The following DMXL2 variants were observed in gnomAD, a reference collection of about 807,000 sequenced individuals.
The protein encoded by DMXL2 is Dmx like 2.
A neutral mutation model predicts 331.1 loss-of-function variants in DMXL2; 103 were observed. The observed-to-expected ratio is 0.31, with a 90% confidence interval of 0.27 to 0.37. DMXL2 has a LOEUF of 0.37. Ranked by LOEUF, DMXL2 falls within the 10% of genes least tolerant of loss-of-function variation. The pLI, the probability that DMXL2 is intolerant of heterozygous loss-of-function variation, is 1.00. For missense variants in DMXL2, 3,171 were observed against 3,642.9 expected, an observed-to-expected ratio of 0.87 and a Z score of 3.33; for synonymous variants, 1,281 against 1,252.1, an observed-to-expected ratio of 1.02 and a Z score of -0.49.
intron 6 of DMXL2, among the ~76,000 whole-genome samples, chr15:51,550,384 CTTATAA>C (rs2049140442): frequency 6.6e-6 from 1 of 152,058 alleles, no homozygotes; most frequent in Admixed American, 6.6e-5. Context: ...AAATTGACAA[CTTATAA>C]TTGTATACAT....
Position 51,480,880 on chromosome 15 carries a change from A to C in DMXL2, c.6226T>G (p.Trp2076Gly), listed in dbSNP as rs2041962671. The C allele has an allele frequency of 6.2e-7, 1 of 1,612,700 alleles. No homozygotes were observed. Among genetic ancestry groups the C allele is most frequent in the African/African-American group, 1.3e-5 (1 of 74,862 alleles). Reference protein sequence around the residue: ...GGKLRFQLYNWLEKEIAALHE... With the variant: ...GGKLRFQLYNGLEKEIAALHE... Reference sequence around the variant, plus strand: ...AAGGCAGCAATTTCCTTTTCAAGCCAGTTATAGAGTTGAAATCTGAGTTTT... The same window carrying C: ...AAGGCAGCAATTTCCTTTTCAAGCCCGTTATAGAGTTGAAATCTGAGTTTT... Residue 2076 changes from tryptophan to glycine, a missense_variant, in exon 24 of 44, where the codon TGG (tryptophan) becomes GGG (glycine). By Grantham distance (184) the Trp-to-Gly change is radical. This residue lies in a region of DMXL2 where 20 missense variants were observed against 46.3 expected (regional missense o/e 0.43). Transcript: ENST00000560891.
At chr15:51,519,997 A>G (rs2047265444) in intron 13 of DMXL2, among the ~76,000 whole-genome samples, 2 of 152,174 alleles carry the variant, frequency 1.3e-5, no homozygotes, top group African/African-American at 4.8e-5. Context: ...ACTTTGAGAA[A>G]GCAGAGCAAA....
intron 6 of DMXL2, among the ~76,000 whole-genome samples, chr15:51,555,647 T>C (rs1012497246): frequency 2.0e-5 from 3 of 152,024 alleles, no homozygotes; most frequent in Non-Finnish European, 2.9e-5. Context: ...AGGGAAGGCA[T>C]AAATAATATC....
intron 42 of DMXL2, 57 bp from the exon 43 acceptor site, chr15:51,450,403 T>C (rs2039031232): frequency 2.0e-6 from 3 of 1,516,666 alleles, no homozygotes; most frequent in Non-Finnish European, 2.7e-6. Context: ...TTGGTAATTA[T>C]GATGTCTACA....
intron 34 of DMXL2, 55 bp from the exon 35 acceptor site, chr15:51,458,850 T>G: frequency 7.2e-7 from 1 of 1,395,348 alleles, no homozygotes; most frequent in Non-Finnish European, 1.0e-6. Context: ...TATTTAGAGT[T>G]ATGCACATCC....
intron 32 of DMXL2, 142 bp from the exon 33 acceptor site, chr15:51,463,638 C>G (rs905271665): frequency 1.5e-5 from 8 of 545,208 alleles, no homozygotes; most frequent in Non-Finnish European, 2.2e-5. Flanking sequence ...GCAAAGAAGA[C>G]ACAGCATTAA....
chr15:51,510,240 T>A (rs1040100274), intron 15 of DMXL2, among the ~76,000 whole-genome samples: 1 of 152,168 alleles, frequency 6.6e-6, no homozygotes. Context: ...TAAAGGGTAT[T>A]CAAATAGGAA....
In DMXL2 at chr15:51,448,575, T is replaced by G; in HGVS notation, c.*409A>C. On this transcript the variant is annotated 3_prime_UTR_variant, in exon 44 of 44. Transcript: ENST00000560891. ...ACAAACACCTTATGATTATCCTTCA[T>G]TCAACAGAGGAGGAGACTGCAGGCA... 4.2e-6 allele frequency: 1 copy of G among 236,480 alleles called. No homozygotes were observed. The highest frequency in any genetic ancestry group is 6.1e-5 in the South Asian group (1 of 16,294). 14.6% of individuals were successfully genotyped at this position (236,480 alleles called of 1,614,324 possible). A position where few individuals can be genotyped will look rare whatever the true frequency, so the allele number is the denominator to read the frequency against.
At chr15:51,515,817 A>AT (rs2047004881) in intron 14 of DMXL2, among the ~76,000 whole-genome samples, 1 of 152,174 alleles carries the variant, frequency 6.6e-6, no homozygotes, top group South Asian at 2.1e-4. Context: ...TAGGGGATGA[A>AT]TTTAACATCC....
chr15:51,536,398 G>T lies in DMXL2; in HGVS notation c.2082C>A (p.Asp694Glu). 6.2e-7 allele frequency: 1 copy of T among 1,613,716 alleles called. No individual in the cohort carries two copies. The highest frequency in any genetic ancestry group is 8.5e-7 in the Non-Finnish European group (1 of 1,179,872). ...AGGAACCTTTTATATGTTTTACAGGGTCCATTAATCTACTTAATTTATTGT... is the reference window on the plus strand; with the variant it reads ...AGGAACCTTTTATATGTTTTACAGGTTCCATTAATCTACTTAATTTATTGT... ...DSDNKLSRLM[D>E]PVKHIKGSSK... The change falls in exon 12 of 44, where the codon GAC (aspartate) becomes GAA (glutamate). Residue 694 changes from aspartate (D) to glutamate (E), a missense_variant. Coordinates refer to ENST00000560891, the MANE Select transcript of DMXL2 (RefSeq NM_001378457.1).
chr15:51,607,362 A>G (rs1342234281), intron 1 of DMXL2, among the ~76,000 whole-genome samples: 1 of 152,186 alleles, frequency 6.6e-6, no homozygotes, highest in African/African-American at 2.4e-5. Context: ...AGGCTGAGGC[A>G]GAAGAATGGC....
intron 1 of DMXL2, among the ~76,000 whole-genome samples, chr15:51,609,886 C>T (rs1396547136): frequency 4.0e-5 from 6 of 151,082 alleles, no homozygotes; most frequent in East Asian, 1.9e-4. Context: ...GCAGAGATTG[C>T]GCCATTGCAC....
chr15:51,576,286 T>C, intron 1 of DMXL2, 105 bp from the exon 2 acceptor site: 1 of 853,278 alleles, frequency 1.2e-6, no homozygotes, highest in South Asian at 2.6e-5. Context: ...TTATAAAGTA[T>C]ACCTTGGGAC....
intron 15 of DMXL2, 145 bp from the exon 16 acceptor site, chr15:51,507,398 AT>A (rs1379274680): frequency 1.4e-6 from 1 of 728,026 alleles, no homozygotes; most frequent in Non-Finnish European, 2.1e-6. Flanking sequence ...GTTTTATATA[AT>A]TTTTGTACCG....
chr15:51,497,364 A>G (rs2043258652), intron 18 of DMXL2, among the ~76,000 whole-genome samples: 1 of 152,210 alleles, frequency 6.6e-6, no homozygotes, highest in Non-Finnish European at 1.5e-5. Context: ...CTTTGAGTCA[A>G]CAGTTTATCC....
At position 51,481,220 on chromosome 15, in the gene DMXL2, C is replaced by G. The variant is rs762086003; in HGVS notation, c.5886G>C (p.Trp1962Cys). The change falls in exon 24 of 44, where the codon TGG (tryptophan) becomes TGC (cysteine). Residue 1962 changes from tryptophan to cysteine, a missense_variant. Trp to Cys is a radical substitution (Grantham distance 215). Transcript: ENST00000560891. ...CATCAACTTTTACTATTGGCTGACT[C>G]CAGTCATACTGTGATGAAGTTACAT... is the stretch of plus-strand genomic sequence containing the variant. ...WSNVTSSQYDWSQPIVKVDEE... is the reference protein window; with the variant it reads ...WSNVTSSQYDCSQPIVKVDEE... 7.4e-6 allele frequency: 12 copies of G among 1,613,864 alleles called. No individual in the cohort carries two copies. The highest frequency in any genetic ancestry group is 1.0e-5 in the Non-Finnish European group (12 of 1,179,936).
At position 51,464,816 on chromosome 15, in the gene DMXL2, T is replaced by C. The variant is rs2040433470; in HGVS notation, c.7667A>G (p.Gln2556Arg). ...AVIKNLENWE[Q>R]ILQEKMDQFE... is the part of the protein sequence containing the mutation. ...CTGATCCATTTTCTCTTGCAAGATCTGTTCCCAGTTCTCCAAGTTTTTAAT... is the reference window on the plus strand; with the variant it reads ...CTGATCCATTTTCTCTTGCAAGATCCGTTCCCAGTTCTCCAAGTTTTTAAT... The change falls in exon 32 of 44, where the codon CAG (glutamine) becomes CGG (arginine). Residue 2556 changes from glutamine (Q) to arginine (R), a missense_variant. Gln to Arg is a conservative substitution (Grantham distance 43). Around this residue, in one of 7 missense-constraint regions of DMXL2, gnomAD observed 766 missense variants for 940.5 expected, o/e 0.81. Transcript: ENST00000560891. 1 of 1,614,180 alleles carries C rather than the reference T, an allele frequency of 6.2e-7. No individual in the cohort carries two copies.
At chr15:51,449,783 C>G (rs2038974010) in intron 43 of DMXL2, among the ~76,000 whole-genome samples, 1 of 152,134 alleles carries the variant, frequency 6.6e-6, no homozygotes, top group Non-Finnish European at 1.5e-5. Flanking sequence ...AACGTCACCT[C>G]CACCACACAC....
rs542399191 is a variant in DMXL2 at position 51,596,977 on chromosome 15, C to T, written c.88-20796G>A. Among the ~76,000 whole-genome samples, 11 of 152,136 alleles carry T rather than the reference C, an allele frequency of 7.2e-5. 1 individual carries two copies. The East Asian group carries it at 1.7e-3, about 24-fold the overall frequency. ...AGGAGATATACCTAATGTTAAATGA[C>T]AAGTTGATGGGTGCAGCACACCAAC... On this transcript the variant is annotated intron_variant, in intron 1 of 43. Coordinates refer to ENST00000560891, the MANE Select transcript of DMXL2 (RefSeq NM_001378457.1).
Sources: allele counts gnomAD v4.1 joint callset (sites outside exome capture counted in the v4.1 genomes callset), GRCh38; gene constraint gnomAD v4.1.1; regional missense constraint gnomAD v4.1.1; transcripts MANE v1.5; gene names NCBI Gene and HGNC (gene_info 2026-07-23, HGNC 2026-07-21).